ZYX: variants seen among roughly 807,000 people sequenced by gnomAD.
ZYX encodes zyxin-2.
ZYX carries 37 observed loss-of-function variants against 58.1 expected under a neutral mutation model. The ratio of observed to expected loss-of-function variants is 0.64; its 90% CI spans 0.49 to 0.84. The LOEUF is 0.84. Ranked by LOEUF, ZYX falls within the 40% of genes least tolerant of loss-of-function variation. The pLI, the probability that ZYX is intolerant of heterozygous loss-of-function variation, is 0.00. For missense variants in ZYX, 762 were observed against 761.6 expected (o/e 1.00, Z -0.01); for synonymous variants, 324 against 321.1 (o/e 1.01, Z -0.10).
At position 143,388,602 on chromosome 7, in the gene ZYX, C is replaced by A. The variant is rs146818692; in HGVS notation, c.1258C>A (p.Gln420Lys). 2.9e-4 allele frequency: 473 copies of A among 1,613,122 alleles called. 2 individuals are homozygous for A. Among genetic ancestry groups the A allele is most frequent in the Middle Eastern group, 1.5e-3 (9 of 6,080 alleles). Residue 420 changes from glutamine (Q) to lysine (K), a missense_variant, in exon 7 of 10, where the codon CAG becomes AAG. Transcript: ENST00000322764. The surrounding 1 kb of genome is among the most constrained non-coding windows in gnomAD (Gnocchi z 7.5). The stretch of plus-strand genomic sequence containing the variant: ...CTGCCACCAGTGTGCGCAGCAGCTC[C>A]AGGGCCAGCAGTTCTACAGTCTGGA... ...FTCHQCAQQL[Q>K]GQQFYSLEGA... is the part of the protein sequence containing the mutation.
In ZYX at chr7:143,389,476, C is replaced by G. The variant is rs1042537078; in HGVS notation, c.1494-381C>G. On this transcript the variant is annotated intron_variant, in intron 8 of 9. Transcript: ENST00000322764. The surrounding 1 kb of genome is among the most constrained non-coding windows in gnomAD (Gnocchi z 5.6). ...CCTCCACAGTGCCAGACAGTCAGGG[C>G]AGAGGCAACGTGCATGGGGGTGGGA... is the stretch of plus-strand genomic sequence containing the variant. Among the ~76,000 whole-genome samples the G allele has an allele frequency of 7.2e-5, 11 of 152,056 alleles. No homozygotes were observed. Among genetic ancestry groups the G allele is most frequent in the Non-Finnish European group, 1.5e-4 (10 of 68,012 alleles).
chr7:143,389,806 C>T lies in ZYX; in HGVS notation c.1494-51C>T. On this transcript the variant is annotated intron_variant, in intron 8 of 9. Coordinates refer to ENST00000322764, the MANE Select transcript of ZYX (RefSeq NM_003461.5). This position sits in a 1 kb window ranked among gnomAD's most constrained non-coding sequence, Gnocchi z 5.6. Reference sequence around the variant, plus strand: ...CCAACCTGGCTTATGCGTGCGCACACCGGGGATGAAAGCCCTGGCTAACTC... The same window carrying T: ...CCAACCTGGCTTATGCGTGCGCACATCGGGGATGAAAGCCCTGGCTAACTC... 1 of 1,606,938 alleles carries T rather than the reference C, an allele frequency of 6.2e-7. No homozygotes were observed. The highest frequency in any genetic ancestry group is 8.5e-7 in the Non-Finnish European group (1 of 1,178,012).
Position 143,384,384 on chromosome 7 carries a change from A to G in ZYX, c.1023+1062A>G. ...GAAAGTGGAAGGTTCCTGTAGGAAA[A>G]TGATAGAGCTATACTTGGAGAGGCA... On this transcript the variant is annotated intron_variant, in intron 5 of 9. Coordinates refer to ENST00000322764, the MANE Select transcript of ZYX (RefSeq NM_003461.5). The surrounding 1 kb of genome is among the most constrained non-coding windows in gnomAD (Gnocchi z 4.9). 1 of 413,080 alleles carries G rather than the reference A, an allele frequency of 2.4e-6. No individual in the cohort carries two copies. Among genetic ancestry groups the G allele is most frequent in the Non-Finnish European group, 5.0e-6 (1 of 201,026 alleles). 25.6% of individuals were successfully genotyped at this position (413,080 alleles called of 1,614,324 possible). A position where few individuals can be genotyped will look rare whatever the true frequency, so the allele number is the denominator to read the frequency against.
Position 143,388,704 on chromosome 7 carries a change from G to C in ZYX, c.1314+46G>C, listed in dbSNP as rs368356918. ...CTGTGCTGGGCTGTGCTGGGCAGTCGGGCCCTGGAAGCTTGCTGTGGGGTG... is the reference window on the plus strand; with the variant it reads ...CTGTGCTGGGCTGTGCTGGGCAGTCCGGCCCTGGAAGCTTGCTGTGGGGTG... On this transcript the variant is annotated intron_variant, in intron 7 of 9. Coordinates refer to ENST00000322764, the MANE Select transcript of ZYX (RefSeq NM_003461.5). This position sits in a 1 kb window ranked among gnomAD's most constrained non-coding sequence, Gnocchi z 7.5. 32 of 1,607,108 alleles carry C rather than the reference G, an allele frequency of 2.0e-5. No homozygotes were observed. The highest frequency in any genetic ancestry group is 2.7e-5 in the African/African-American group (2 of 73,154).
intron 2 of ZYX, 29 bp from the exon 3 acceptor site, chr7:143,382,219 G>A (rs1442066620): frequency 1.2e-5 from 19 of 1,599,818 alleles, no homozygotes; most frequent in Non-Finnish European, 1.5e-5. Flanking sequence ...GAGGGACCCC[G>A]GCCGACGTCT....
In ZYX at chr7:143,388,901, C is replaced by T. The variant is rs574219835; in HGVS notation, c.1449C>T (p.Ile483=). The change falls in exon 8 of 10, where the codon ATC becomes ATT. Residue 483 remains isoleucine, a synonymous_variant. Transcript: ENST00000322764. This position sits in a 1 kb window ranked among gnomAD's most constrained non-coding sequence, Gnocchi z 7.5. ...GCCCCCTGGAGGGCACCTCCTTCAT[C>T]GTGGACCAGGCCAACCGGCCCCACT... ...CARPLEGTSF[I]VDQANRPHCV... 25 of 1,613,284 alleles carry T rather than the reference C, an allele frequency of 1.5e-5. No homozygotes were observed. Among genetic ancestry groups the T allele is most frequent in the Admixed American group, 5.0e-5 (3 of 60,016 alleles).
At position 143,389,907 on chromosome 7, in the gene ZYX, C is replaced by T. The variant is rs772321192; in HGVS notation, c.1544C>T (p.Pro515Leu). 5.0e-6 allele frequency: 8 copies of T among 1,614,210 alleles called. No homozygotes were observed. The highest frequency in any genetic ancestry group is 5.1e-6 in the Non-Finnish European group (6 of 1,180,024). ...TGCTCTGAGCCCATCATGCCTGAGC[C>T]TGGCCGAGATGAGACTGTGCGAGTG... The part of the protein sequence containing the change: ...SVCSEPIMPE[P>L]GRDETVRVVA... Residue 515 changes from proline (P) to leucine (L), a missense_variant, in exon 9 of 10, where the codon CCT becomes CTT. Pro to Leu is a moderately conservative substitution (Grantham distance 98). Transcript: ENST00000322764. This position sits in a 1 kb window ranked among gnomAD's most constrained non-coding sequence, Gnocchi z 5.6.
At position 143,390,839 on chromosome 7, in the gene ZYX, A is replaced by G; in HGVS notation, c.*157A>G. 3.1e-6 allele frequency: 2 copies of G among 637,576 alleles called. No individual in the cohort carries two copies. Among genetic ancestry groups the G allele is most frequent in the Non-Finnish European group, 5.7e-6 (2 of 353,324 alleles). 39.5% of individuals were successfully genotyped at this position (637,576 alleles called of 1,614,324 possible). ...CAGGTGCCCTGACCCAGGACCCAAC[A>G]TGGTCTAGGGATGCAGGATCCCCGC... On this transcript the variant is annotated 3_prime_UTR_variant, in exon 10 of 10. Transcript: ENST00000322764. The surrounding 1 kb of genome is among the most constrained non-coding windows in gnomAD (Gnocchi z 4.3).
In ZYX at chr7:143,383,295, GC is replaced by G; in HGVS notation, c.1001del (p.Pro334HisfsTer18). 6.2e-7 allele frequency: 1 copy of G among 1,609,784 alleles called. No individual in the cohort carries two copies. The highest frequency in any genetic ancestry group is 1.1e-5 in the South Asian group (1 of 90,688). On this transcript the variant is annotated frameshift_variant, in exon 5 of 10. Transcript: ENST00000322764. LOFTEE classifies it high-confidence loss of function. ...PRVQEKQHPV[P>X]PPAQNQNQVR... is the part of the protein sequence containing the mutation. Reference sequence around the variant, plus strand: ...GAGTGCAGGAGAAGCAGCACCCCGTGCCCCCACCGGCTCAGAACCAAAACCA... The same window carrying G: ...GAGTGCAGGAGAAGCAGCACCCCGTGCCCCACCGGCTCAGAACCAAAACCA...
Position 143,390,641 on chromosome 7 carries a change from G to T in ZYX, c.1678G>T (p.Val560Leu), listed in dbSNP as rs747069930. ...DNGCFPLDGH[V>L]LCRKCHTARA... ...TGGCTGCTTCCCCCTGGACGGTCAC[G>T]TGCTCTGTCGGAAGTGCCACACTGC... Residue 560 changes from valine to leucine, a missense_variant, in exon 10 of 10, where the codon GTG (valine) becomes TTG (leucine). By Grantham distance (32) the Val-to-Leu change is conservative. Transcript: ENST00000322764. The surrounding 1 kb of genome is among the most constrained non-coding windows in gnomAD (Gnocchi z 4.3). 5 of 1,588,124 alleles carry T rather than the reference G, an allele frequency of 3.1e-6. No homozygotes were observed. The Admixed American group carries it at 7.1e-5, about 23-fold the overall frequency.
rs377339634 is a variant in ZYX at position 143,382,714 on chromosome 7, G to A, written c.501+29G>A. 6.9e-5 allele frequency: 112 copies of A among 1,614,046 alleles called. No homozygotes were observed. In the African/African-American group the frequency reaches 1.4e-3, roughly 21 times the overall value. ...AGGGACCGGAGAGTAGGAAAAGCAG[G>A]GCTCAGGGCCAGAGAGACTGGGCAT... On this transcript the variant is annotated intron_variant, in intron 4 of 9. Coordinates refer to ENST00000322764, the MANE Select transcript of ZYX (RefSeq NM_003461.5).
At chr7:143,386,033 AGTGTATGTGAGTG>A (rs59393580) in intron 5 of ZYX, among the ~76,000 whole-genome samples, 25,263 of 149,452 alleles carry the variant, frequency 0.17, 2,366 homozygotes, top group Non-Finnish European at 0.21. Flanking sequence ...TATATGTGTG[AGTGTATGTGAGTG>A]GTGTATGTGT....
chr7:143,387,970 G>C lies in ZYX; in HGVS notation c.1024-249G>C. 1.7e-6 allele frequency: 1 copy of C among 578,492 alleles called. No homozygotes were observed. Among genetic ancestry groups the C allele is most frequent in the Admixed American group, 2.3e-5 (1 of 44,336 alleles). The allele number at this position is 578,492 out of a possible 1,614,324, so 35.8% of individuals were successfully genotyped here. A position where few individuals can be genotyped will look rare whatever the true frequency, so the allele number is the denominator to read the frequency against. Reference sequence around the variant, plus strand: ...CTGGCCTGTCTGTGACTGCTCAGGGGGTTTGGGCAGAGTGGGTGGAAATGT... The same window carrying C: ...CTGGCCTGTCTGTGACTGCTCAGGGCGTTTGGGCAGAGTGGGTGGAAATGT... On this transcript the variant is annotated intron_variant, in intron 5 of 9. Coordinates refer to ENST00000322764, the MANE Select transcript of ZYX (RefSeq NM_003461.5). The surrounding 1 kb of genome is among the most constrained non-coding windows in gnomAD (Gnocchi z 5.8).
rs923607957 is a variant in ZYX, at chr7:143,389,549, G to T, written c.1494-308G>T. On this transcript the variant is annotated intron_variant, in intron 8 of 9. Coordinates refer to ENST00000322764, the MANE Select transcript of ZYX (RefSeq NM_003461.5). This position sits in a 1 kb window ranked among gnomAD's most constrained non-coding sequence, Gnocchi z 5.6. ...AGGGACCCAGGATGGGATGGGAGGG[G>T]TACCTCAGGGCTGGCTTTCTGCAGG... Among the ~76,000 whole-genome samples, 4 of 152,308 alleles carry T rather than the reference G, an allele frequency of 2.6e-5. No homozygotes were observed. The highest frequency in any genetic ancestry group is 7.2e-5 in the African/African-American group (3 of 41,568).
intron 3 of ZYX, 60 bp from the exon 4 acceptor site, chr7:143,382,533 C>T: frequency 6.2e-7 from 1 of 1,602,330 alleles, no homozygotes; most frequent in Non-Finnish European, 8.5e-7. Context: ...CCCTGCACCT[C>T]TGCCTTGGGG....
Position 143,382,872 on chromosome 7 carries a change from C to CGGG in ZYX, c.576_578dup (p.Gly193dup). 1 of 1,612,996 alleles carries CGGG rather than the reference C, an allele frequency of 6.2e-7. No homozygotes were observed. The highest frequency in any genetic ancestry group is 8.5e-7 in the Non-Finnish European group (1 of 1,179,450). ...CCAAGTCCAGTACCAAGCCTGCAGC[C>CGGG]GGGGGCACAGCACCCCTGCCTCCTT... On this transcript the variant is annotated inframe_insertion, in exon 5 of 10. Coordinates refer to ENST00000322764, the MANE Select transcript of ZYX (RefSeq NM_003461.5).
In ZYX at chr7:143,385,660, C is replaced by CTTTTTTTTTTTTTTTTTTTTTTTTT. The variant is rs59995035; in HGVS notation, c.1023+2340_1023+2364dup. Among the ~76,000 whole-genome samples the CTTTTTTTTTTTTTTTTTTTTTTTTT allele has an allele frequency of 1.4e-4, 10 of 68,968 alleles. 1 individual carries two copies. The highest frequency in any genetic ancestry group is 4.8e-4 in the Admixed American group (2 of 4,202). The allele number at this position is 68,968 out of a possible 152,430, so 45.2% of individuals were successfully genotyped here. A position where few individuals can be genotyped will look rare whatever the true frequency, so the allele number is the denominator to read the frequency against. ...TGTGTGAGCGTGTGGTGTGGTATAT[C>CTTTTTTTTTTTTTTTTTTTTTTTTT]TTTTTTTTTTTTTTTTTTTTTTTTT... On this transcript the variant is annotated intron_variant, in intron 5 of 9. Transcript: ENST00000322764.
chr7:143,388,436 C>T lies in ZYX; in HGVS notation c.1145-53C>T, dbSNP rs142129852. On this transcript the variant is annotated intron_variant, in intron 6 of 9. Coordinates refer to ENST00000322764, the MANE Select transcript of ZYX (RefSeq NM_003461.5). The surrounding 1 kb of genome is among the most constrained non-coding windows in gnomAD (Gnocchi z 7.5). ...TCCCTATCTGAGCTGGCTGATCCCTCGCAGCTCTACATACTTCCTTCTATT... is the reference window on the plus strand; with the variant it reads ...TCCCTATCTGAGCTGGCTGATCCCTTGCAGCTCTACATACTTCCTTCTATT... 3.6e-4 allele frequency: 583 copies of T among 1,603,874 alleles called. No homozygotes were observed. The highest frequency in any genetic ancestry group is 1.6e-3 in the African/African-American group (121 of 74,810).
rs951450895 is a variant in ZYX, at chr7:143,388,147, G to A, written c.1024-72G>A. ...GAGCTAAGCCTCATCGGAAGAAGCCGGGTAGGCTGGCCTGGGAAGGTTCTT... is the reference window on the plus strand; with the variant it reads ...GAGCTAAGCCTCATCGGAAGAAGCCAGGTAGGCTGGCCTGGGAAGGTTCTT... On this transcript the variant is annotated intron_variant, in intron 5 of 9. Transcript: ENST00000322764. This position sits in a 1 kb window ranked among gnomAD's most constrained non-coding sequence, Gnocchi z 7.5. 9.9e-6 allele frequency: 15 copies of A among 1,516,826 alleles called. No homozygotes were observed. Among genetic ancestry groups the A allele is most frequent in the African/African-American group, 1.4e-5 (1 of 71,872 alleles). The allele number at this position is 1,516,826 out of a possible 1,614,324, so 94.0% of individuals were successfully genotyped here.
Sources: gnomAD v4.1 joint callset for allele counts (sites outside exome capture counted in the v4.1 genomes callset) on GRCh38, gnomAD v4.1.1 for gene constraint, Gnocchi (gnomAD v3.1) non-coding constraint, MANE v1.5 for transcripts, NCBI Gene and HGNC (gene_info 2026-07-23, HGNC 2026-07-21) for gene names.